The following CLVS1 variants were observed in gnomAD, a reference collection of about 807,000 sequenced individuals.
The protein encoded by CLVS1 is clavesin-1.
CLVS1 carries 10 observed loss-of-function variants against 33.1 expected under a neutral mutation model. That is an observed-to-expected ratio of 0.30 (90% CI 0.19 to 0.51). The LOEUF is 0.51. CLVS1 is among the 20% of genes least tolerant of loss of function. The pLI, the probability that CLVS1 is intolerant of heterozygous loss-of-function variation, is 0.97. For synonymous variants in CLVS1, 163 were observed against 166.1 expected (o/e 0.98, Z 0.14); for missense variants, 343 against 433.4 (o/e 0.79, Z 1.85).
intron 1 of CLVS1, among the ~76,000 whole-genome samples, chr8:61,123,767 C>G (rs1805921492): frequency 6.6e-6 from 1 of 152,124 alleles, no homozygotes. Context: ...GAGGTGACCC[C>G]TGCTCACTCA....
chr8:61,193,493 A>G (rs1807538311), intron 2 of CLVS1, among the ~76,000 whole-genome samples: 1 of 150,046 alleles, frequency 6.7e-6, no homozygotes, highest in African/African-American at 2.5e-5. Flanking sequence ...CGTTGTGCAC[A>G]TGTGCCCTAG....
At chr8:61,479,097 C>T (rs981802885) in intron 5 of CLVS1, among the ~76,000 whole-genome samples, 1 of 152,086 alleles carries the variant, frequency 6.6e-6, no homozygotes, top group Non-Finnish European at 1.5e-5. Context: ...TTGTGGCATT[C>T]TCTCTATTTC....
At position 61,413,274 on chromosome 8, in the gene CLVS1, A is replaced by G. The variant is rs540930719; in HGVS notation, c.630+36495A>G. On this transcript the variant is annotated intron_variant, in intron 3 of 5. Coordinates refer to ENST00000325897, the MANE Select transcript of CLVS1 (RefSeq NM_173519.3). ...ACAGTAATATTCACAAAATACAAAG[A>G]ATATATTATATTCCATTAGTATTGC... 8.5e-5 allele frequency among the ~76,000 whole-genome samples: 13 copies of G among 152,300 alleles called. No homozygotes were observed. The South Asian group carries it at 2.3e-3, about 27-fold the overall frequency.
In CLVS1 at chr8:61,499,605, A is replaced by G; in HGVS notation, c.*63A>G. 8.3e-7 allele frequency: 1 copy of G among 1,198,752 alleles called. No homozygotes were observed. Among genetic ancestry groups the G allele is most frequent in the South Asian group, 1.2e-5 (1 of 82,198 alleles). 74.3% of individuals were successfully genotyped at this position (1,198,752 alleles called of 1,614,324 possible). On this transcript the variant is annotated 3_prime_UTR_variant, in exon 6 of 6. Transcript: ENST00000325897. ...CAGTGGTATCAGCCACCCAGGAAGC[A>G]CATGCACAACTGACCCATGCAGACA...
chr8:61,184,492 G>A (rs1162241771), intron 2 of CLVS1, among the ~76,000 whole-genome samples: 2 of 152,174 alleles, frequency 1.3e-5, no homozygotes, highest in Non-Finnish European at 2.9e-5. Context: ...ACTTCAATTC[G>A]TTTTATGTGG....
chr8:61,475,807 A>C (rs1471693923), intron 5 of CLVS1, among the ~76,000 whole-genome samples: 19 of 151,950 alleles, frequency 1.3e-4, no homozygotes, highest in East Asian at 3.9e-4. Context: ...TTAATTAGAT[A>C]CCATTTGTCA....
intron 2 of CLVS1, among the ~76,000 whole-genome samples, chr8:61,215,327 A>G (rs1808060831): frequency 1.3e-5 from 2 of 152,244 alleles, no homozygotes; most frequent in Non-Finnish European, 2.9e-5. Context: ...ATATAAAAGT[A>G]GCATTAAATT....
chr8:61,474,092 G>A (rs1817828328), intron 5 of CLVS1, among the ~76,000 whole-genome samples: 1 of 152,170 alleles, frequency 6.6e-6, no homozygotes, highest in South Asian at 2.1e-4. Context: ...AAAGAAGAAT[G>A]AGTGCCTAGG....
chr8:61,121,061 G>C (rs1182943876), intron 1 of CLVS1, among the ~76,000 whole-genome samples: 3 of 152,002 alleles, frequency 2.0e-5, no homozygotes, highest in Admixed American at 1.3e-4. Context: ...CCAGGTGCGG[G>C]GTATAATCTC....
At chr8:61,099,879 C>T (rs751770710) in intron 1 of CLVS1, among the ~76,000 whole-genome samples, 2 of 152,120 alleles carry the variant, frequency 1.3e-5, no homozygotes, top group Non-Finnish European at 1.5e-5. Flanking sequence ...ACAGAATATA[C>T]TTAAAAATAC....
chr8:61,355,408 T>G (rs1005071411), intron 2 of CLVS1, among the ~76,000 whole-genome samples: 4 of 152,024 alleles, frequency 2.6e-5, no homozygotes, highest in Non-Finnish European at 5.9e-5. Context: ...ACTATGGTCT[T>G]TTTCTTTTTT....
intron 5 of CLVS1, among the ~76,000 whole-genome samples, chr8:61,489,889 A>G (rs1804010287): frequency 6.6e-6 from 1 of 152,246 alleles, no homozygotes; most frequent in Non-Finnish European, 1.5e-5. Context: ...TCTCTGCAGC[A>G]GGAAATTGCA....
chr8:61,202,222 C>A, intron 2 of CLVS1: 1 of 467,952 alleles, frequency 2.1e-6, no homozygotes, highest in Non-Finnish European at 3.9e-6. Flanking sequence ...ACATTGATTT[C>A]TTTATCATGG....
chr8:61,167,117 C>A (rs1476739455), intron 2 of CLVS1, among the ~76,000 whole-genome samples: 1 of 151,444 alleles, frequency 6.6e-6, no homozygotes, highest in Non-Finnish European at 1.5e-5. Context: ...TCTGGTTCCC[C>A]TGAGTCTTGT....
intron 2 of CLVS1, among the ~76,000 whole-genome samples, chr8:61,190,568 A>T (rs1807448090): frequency 6.6e-6 from 1 of 152,198 alleles, no homozygotes; most frequent in African/African-American, 2.4e-5. Flanking sequence ...CCCTTCAAAA[A>T]ATCAATGAAT....
At chr8:61,467,296 A>T (rs1032065137) in intron 5 of CLVS1, among the ~76,000 whole-genome samples, 1 of 152,308 alleles carries the variant, frequency 6.6e-6, no homozygotes, top group South Asian at 2.1e-4. Flanking sequence ...AGCAGGTTAG[A>T]TATCACAATT....
chr8:61,120,144 C>T (rs1805826170), intron 1 of CLVS1, among the ~76,000 whole-genome samples: 2 of 146,738 alleles, frequency 1.4e-5, no homozygotes, highest in Admixed American at 1.3e-4. Flanking sequence ...CGCTGATACC[C>T]TTTCTTCCAG....
At chr8:61,241,334 A>G (rs892988059) in intron 2 of CLVS1, among the ~76,000 whole-genome samples, 10 of 152,150 alleles carry the variant, frequency 6.6e-5, no homozygotes, top group African/African-American at 2.4e-4. Context: ...GATGAATTAG[A>G]TAGATTTTCA....
At chr8:61,366,808 C>T (rs1475632009) in intron 2 of CLVS1, among the ~76,000 whole-genome samples, 9 of 152,286 alleles carry the variant, frequency 5.9e-5, no homozygotes, top group South Asian at 2.1e-4. Flanking sequence ...CTTCTGCAGA[C>T]GTGGCACCTG....
Sources: allele counts gnomAD v4.1 joint callset (sites outside exome capture counted in the v4.1 genomes callset), GRCh38; gene constraint gnomAD v4.1.1; transcripts MANE v1.5; gene names NCBI Gene and HGNC (gene_info 2026-07-23, HGNC 2026-07-21).